RAD51B: variants seen among roughly 807,000 people sequenced by gnomAD.
The protein encoded by RAD51B is RAD51 paralog B.
RAD51B carries 38 observed loss-of-function variants against 42.2 expected under a neutral mutation model. The observed-to-expected ratio is 0.90, with a 90% CI of 0.70 to 1.18. The LOEUF (loss-of-function observed/expected upper bound fraction) is 1.18, where lower values mean the gene tolerates loss of function less well. Ranked by LOEUF, RAD51B falls within the 50% of genes most tolerant of loss-of-function variation. The probability of loss-of-function intolerance (pLI) is 0.00; values close to 1 mark genes in which losing one functional copy is unlikely to be tolerated. For missense variants in RAD51B, 373 were observed against 400.7 expected, an observed-to-expected ratio of 0.93 and a Z score of 0.59; for synonymous variants, 154 against 145.2, an observed-to-expected ratio of 1.06 and a Z score of -0.43.
At chr14:67,893,516 A>ACAAAAAC (rs1555411763) in intron 7 of RAD51B, among the ~76,000 whole-genome samples, 1 of 102,840 alleles carries the variant, frequency 9.7e-6, no homozygotes, top group African/African-American at 3.8e-5. Context: ...ACACAAAAAA[A>ACAAAAAC]AACAATTAGC....
chr14:68,266,921 C>T (rs991760306), intron 7 of RAD51B, among the ~76,000 whole-genome samples: 8 of 152,080 alleles, frequency 5.3e-5, no homozygotes, highest in Non-Finnish European at 1.0e-4. Context: ...ATCAGCACAC[C>T]AATTATTTAT....
At chr14:68,037,042 CCCTT>C (rs1224962666) in intron 7 of RAD51B, among the ~76,000 whole-genome samples, 1 of 98,376 alleles carries the variant, frequency 1.0e-5, no homozygotes. Flanking sequence ...CTCCCCCCCT[CCCTT>C]CCTTCCTTCC....
At chr14:68,248,260 G>A (rs531903543) in intron 7 of RAD51B, among the ~76,000 whole-genome samples, 3 of 152,240 alleles carry the variant, frequency 2.0e-5, no homozygotes, top group East Asian at 3.9e-4. Flanking sequence ...TTGTATTATT[G>A]TATTCATGGT....
chr14:68,026,845 G>T (rs914978248), intron 7 of RAD51B, among the ~76,000 whole-genome samples: 1 of 152,056 alleles, frequency 6.6e-6, no homozygotes, highest in Non-Finnish European at 1.5e-5. Flanking sequence ...TTACATTCAC[G>T]GTTAGTATTG....
intron 8 of RAD51B, among the ~76,000 whole-genome samples, chr14:68,351,165 G>T (rs1408554388): frequency 6.6e-6 from 1 of 152,164 alleles, no homozygotes; most frequent in African/African-American, 2.4e-5. Flanking sequence ...ATCCAGACCA[G>T]ACTCAAAGAA....
chr14:68,433,836 T>C (rs991200940), intron 9 of RAD51B, among the ~76,000 whole-genome samples: 8 of 152,228 alleles, frequency 5.3e-5, no homozygotes, highest in Non-Finnish European at 8.8e-5. Flanking sequence ...ATTTTTAGAA[T>C]TTTCAGCTTT....
intron 7 of RAD51B, among the ~76,000 whole-genome samples, chr14:68,117,464 C>T (rs1328281794): frequency 6.6e-6 from 1 of 152,118 alleles, no homozygotes; most frequent in Non-Finnish European, 1.5e-5. Flanking sequence ...ACTTTGGTGG[C>T]CACACACTGC....
chr14:68,476,720 T>A (rs1882646626), intron 10 of RAD51B, among the ~76,000 whole-genome samples: 1 of 152,152 alleles, frequency 6.6e-6, no homozygotes, highest in African/African-American at 2.4e-5. Context: ...TTCTGTTTCC[T>A]CACACATGCC....
At chr14:67,996,092 A>AAATGGTGGT (rs2075378955) in intron 7 of RAD51B, among the ~76,000 whole-genome samples, 2 of 151,618 alleles carry the variant, frequency 1.3e-5, no homozygotes, top group Admixed American at 6.6e-5. Context: ...GCAATTTTAA[A>AAATGGTGGT]AATGGTGGTA....
At position 68,388,634 on chromosome 14, in the gene RAD51B, C is replaced by G. The variant is rs543718825; in HGVS notation, c.854-22790C>G. On this transcript the variant is annotated intron_variant, in intron 8 of 10. Coordinates refer to ENST00000471583, the MANE Select transcript of RAD51B (RefSeq NM_133510.4). ...TTTTGAAAGTGAATGTATATATTCA[C>G]TCACTTCAAAAATACTTACTGAACC... Among the ~76,000 whole-genome samples, 12 of 152,274 alleles carry G rather than the reference C, an allele frequency of 7.9e-5. No individual in the cohort carries two copies. The East Asian group carries it at 1.3e-3, about 17-fold the overall frequency.
chr14:68,345,746 C>T (rs1178878554), intron 8 of RAD51B, among the ~76,000 whole-genome samples: 1 of 152,012 alleles, frequency 6.6e-6, no homozygotes, highest in East Asian at 1.9e-4. Flanking sequence ...GCAACCTCCA[C>T]CTCCTGGGTT....
chr14:68,461,730 C>G (rs1007007498), intron 9 of RAD51B, among the ~76,000 whole-genome samples: 17 of 152,168 alleles, frequency 1.1e-4, no homozygotes, highest in Admixed American at 6.5e-4. Context: ...GAAGGTTTAC[C>G]AGCCCTCACT....
At chr14:68,042,140 C>T (rs1595305956) in intron 7 of RAD51B, among the ~76,000 whole-genome samples, 1 of 152,148 alleles carries the variant, frequency 6.6e-6, no homozygotes, top group East Asian at 1.9e-4. Flanking sequence ...TTTATGTCTG[C>T]AGAGTTTCTA....
At chr14:68,303,457 TAAAAA>T (rs58955054) in intron 8 of RAD51B, among the ~76,000 whole-genome samples, 1 of 138,746 alleles carries the variant, frequency 7.2e-6, no homozygotes, top group Non-Finnish European at 1.5e-5. Context: ...TAAAGTATAA[TAAAAA>T]AAAAAAAAAA....
At chr14:67,987,838 A>G (rs938418996) in intron 7 of RAD51B, among the ~76,000 whole-genome samples, 3 of 152,210 alleles carry the variant, frequency 2.0e-5, no homozygotes, top group Non-Finnish European at 4.4e-5. Context: ...TCCTGTGGAT[A>G]ACTTGGCAAT....
intron 4 of RAD51B, among the ~76,000 whole-genome samples, chr14:67,840,642 A>G (rs2041394883): frequency 6.6e-6 from 1 of 152,174 alleles, no homozygotes. Context: ...CTTTGGGTAT[A>G]TATCCAGCAA....
chr14:68,633,480 T>G (rs887975713), intron 10 of RAD51B, among the ~76,000 whole-genome samples: 3 of 152,020 alleles, frequency 2.0e-5, no homozygotes, highest in African/African-American at 7.2e-5. Flanking sequence ...AGCCCACCCC[T>G]GGAGAGGACA....
chr14:67,928,611 G>C (rs1050053053), intron 7 of RAD51B, among the ~76,000 whole-genome samples: 11 of 152,018 alleles, frequency 7.2e-5, no homozygotes, highest in Admixed American at 6.5e-5. Flanking sequence ...AGGCGGCCAT[G>C]ACACTTGGTA....
intron 8 of RAD51B, among the ~76,000 whole-genome samples, chr14:68,347,219 C>T (rs1045207471): frequency 6.6e-6 from 1 of 152,186 alleles, no homozygotes; most frequent in East Asian, 1.9e-4. Context: ...GACACTTTAG[C>T]AGTATTTCAT....
Sources: gnomAD v4.1 joint callset for allele counts (sites outside exome capture counted in the v4.1 genomes callset) on GRCh38, gnomAD v4.1.1 for gene constraint, MANE v1.5 for transcripts, NCBI Gene and HGNC (gene_info 2026-07-23, HGNC 2026-07-21) for gene names.